TBCD: variants seen among roughly 807,000 people sequenced by gnomAD.
TBCD encodes the protein tubulin folding cofactor D, also known as tubulin-specific chaperone D.
Under a neutral mutation model 169.3 loss-of-function variants are expected in TBCD, and 105 were observed. The ratio of observed to expected loss-of-function variants is 0.62; its 90% CI spans 0.53 to 0.73. The LOEUF is 0.73. TBCD is among the 30% of genes least tolerant of loss of function. TBCD has a pLI of 0.00. For missense variants in TBCD, 1,444 were observed against 1,600.1 expected, an observed-to-expected ratio of 0.90 and a Z score of 1.66; for synonymous variants, 700 against 643.9, an observed-to-expected ratio of 1.09 and a Z score of -1.32.
chr17:82,816,711 T>A (rs568393945), intron 13 of TBCD, among the ~76,000 whole-genome samples: 1 of 151,182 alleles, frequency 6.6e-6, no homozygotes, highest in South Asian at 2.1e-4. Flanking sequence ...TTTTTTTTTT[T>A]AGTTTTGTTA....
intron 4 of TBCD, 140 bp downstream of exon 4, chr17:82,766,508 C>G (rs2048025112): frequency 1.8e-6 from 1 of 552,822 alleles, no homozygotes; most frequent in Non-Finnish European, 3.2e-6. Context: ...TCTTTTCTTT[C>G]TTTTCTTTTC....
chr17:82,899,210 CGTCCTCAGCATGT>C (rs1439365864), intron 17 of TBCD, among the ~76,000 whole-genome samples: 4 of 142,960 alleles, frequency 2.8e-5, no homozygotes, highest in East Asian at 2.2e-4. Flanking sequence ...GTCCGCAGTG[CGTCCTCAGCATGT>C]GTCCTCAGCG....
chr17:82,925,641 C>G (rs946357356), intron 27 of TBCD, among the ~76,000 whole-genome samples: 1 of 152,232 alleles, frequency 6.6e-6, no homozygotes, highest in Non-Finnish European at 1.5e-5. Context: ...CTTGGCACTT[C>G]AGGATCTGCA....
Position 82,938,715 on chromosome 17 carries a change from A to G in TBCD, c.3369+579A>G, listed in dbSNP as rs530931462. On this transcript the variant is annotated intron_variant, in intron 36 of 38. Coordinates refer to ENST00000355528, the MANE Select transcript of TBCD (RefSeq NM_005993.5). ...GCTCAGACCACCAGCGCAGTGAGAC[A>G]TGATGACCAGGGCACCACTCAAAAA... is the stretch of plus-strand genomic sequence containing the variant. 6.6e-5 allele frequency among the ~76,000 whole-genome samples: 10 copies of G among 152,172 alleles called. No individual in the cohort carries two copies. In the South Asian group the frequency reaches 1.9e-3, roughly 28 times the overall value.
At chr17:82,919,138 C>G (rs186827274) in intron 23 of TBCD, among the ~76,000 whole-genome samples, 2,622 of 151,944 alleles carry the variant, frequency 0.017, 85 homozygotes, top group African/African-American at 0.06. Flanking sequence ...ACGGGGGGGG[C>G]CCAGAGTCTC....
chr17:82,907,022 A>C (rs967226054), intron 20 of TBCD, among the ~76,000 whole-genome samples: 12 of 152,234 alleles, frequency 7.9e-5, no homozygotes, highest in African/African-American at 2.9e-4. Context: ...TGAGGTGTCT[A>C]TCAGGGAAGC....
At chr17:82,845,948 G>A (rs1364209779) in intron 13 of TBCD, among the ~76,000 whole-genome samples, 7 of 152,252 alleles carry the variant, frequency 4.6e-5, no homozygotes, top group African/African-American at 1.7e-4. Context: ...AAACTCTGCG[G>A]AAAATCCACA....
intron 7 of TBCD, chr17:82,795,434 T>A (rs926816663): frequency 2.6e-5 from 16 of 611,680 alleles, no homozygotes; most frequent in Non-Finnish European, 4.1e-6. Flanking sequence ...ACAGCTGCTC[T>A]TCTGGTTTAG....
At chr17:82,779,960 T>C (rs1388422717) in intron 6 of TBCD, among the ~76,000 whole-genome samples, 1 of 152,072 alleles carries the variant, frequency 6.6e-6, no homozygotes, top group African/African-American at 2.4e-5. Flanking sequence ...AGGGAGCGCC[T>C]GGTGCCTCCC....
intron 34 of TBCD, among the ~76,000 whole-genome samples, chr17:82,934,716 C>T (rs1359553590): frequency 6.6e-6 from 1 of 151,836 alleles, no homozygotes; most frequent in East Asian, 2.0e-4. Context: ...AGGTGATCTG[C>T]CCACTTCTGC....
intron 26 of TBCD, among the ~76,000 whole-genome samples, chr17:82,924,549 A>C (rs963001071): frequency 1.3e-5 from 2 of 152,242 alleles, no homozygotes; most frequent in Non-Finnish European, 2.9e-5. Flanking sequence ...CATATGATAG[A>C]ACATGCATTA....
chr17:82,802,304 T>TAA (rs2050630596), intron 9 of TBCD, among the ~76,000 whole-genome samples: 2 of 151,868 alleles, frequency 1.3e-5, no homozygotes, highest in African/African-American at 4.8e-5. Context: ...GGGAAGGAAT[T>TAA]ACTTGGTTAA....
intron 5 of TBCD, 93 bp downstream of exon 5, chr17:82,768,659 T>TA: frequency 7.1e-7 from 1 of 1,410,320 alleles, no homozygotes; most frequent in South Asian, 1.3e-5. Flanking sequence ...AAGCTTCTGA[T>TA]ATGTATTCAA....
At chr17:82,775,089 C>T (rs761074355) in intron 6 of TBCD, among the ~76,000 whole-genome samples, 8 of 152,246 alleles carry the variant, frequency 5.3e-5, no homozygotes, top group South Asian at 2.1e-4. Flanking sequence ...CCGTGGGGTC[C>T]TCCGGGAAAA....
chr17:82,828,916 A>C (rs1265434307), intron 13 of TBCD, among the ~76,000 whole-genome samples: 1 of 150,174 alleles, frequency 6.7e-6, no homozygotes, highest in Admixed American at 6.6e-5. Flanking sequence ...GTACACATGC[A>C]CACCTACACA....
chr17:82,927,052 T>C, intron 28 of TBCD, 134 bp from the exon 29 acceptor site: 1 of 1,268,070 alleles, frequency 7.9e-7, no homozygotes, highest in Non-Finnish European at 1.1e-6. Flanking sequence ...AGCTCTGTGT[T>C]TCTGATCTAC....
At chr17:82,885,961 A>G (rs9915595) in intron 15 of TBCD, 151,431 of 152,382 alleles carry the variant, frequency 0.99, 75,250 homozygotes, top group East Asian at 1. Flanking sequence ...TTCAGATAAC[A>G]ATGTCTCGGT....
intron 7 of TBCD, 124 bp downstream of exon 7, chr17:82,781,845 C>T (rs976833589): frequency 4.9e-5 from 71 of 1,452,568 alleles, no homozygotes; most frequent in Middle Eastern, 4.7e-4. Context: ...TTGATTTAAC[C>T]GGGCCAGGGT....
At chr17:82,929,055 A>G in intron 30 of TBCD, 58 bp from the exon 31 acceptor site, 1 of 1,572,796 alleles carries the variant, frequency 6.4e-7, no homozygotes, top group Non-Finnish European at 8.6e-7. Flanking sequence ...TGCTCAGTTT[A>G]CCGCCCGCTC....
Sources: gnomAD v4.1 joint callset for allele counts (sites outside exome capture counted in the v4.1 genomes callset) on GRCh38, gnomAD v4.1.1 for gene constraint, MANE v1.5 for transcripts, NCBI Gene and HGNC (gene_info 2026-07-23, HGNC 2026-07-21) for gene names.